Variants in KIRREL3 observed in about 807,000 individuals in gnomAD.
KIRREL3 encodes the protein kirre like nephrin family adhesion molecule 3, also known as kin of IRRE-like protein 3.
Under a neutral mutation model 89.7 loss-of-function variants are expected in KIRREL3, and 36 were observed. The ratio of observed to expected loss-of-function variants is 0.40; its 90% CI spans 0.31 to 0.53. KIRREL3 has a LOEUF of 0.53. Among genes scored for constraint, KIRREL3 ranks in the 20% least tolerant of loss-of-function variants. The pLI, the probability that KIRREL3 is intolerant of heterozygous loss-of-function variation, is 0.49. For missense variants in KIRREL3, 864 were observed against 1,056.6 expected (o/e 0.82, Z 2.53); for synonymous variants, 445 against 441.4 (o/e 1.01, Z -0.10).
chr11:126,539,045 G>C (rs1488358459), intron 2 of KIRREL3, among the ~76,000 whole-genome samples: 2 of 152,216 alleles, frequency 1.3e-5, no homozygotes, highest in Non-Finnish European at 2.9e-5. Context: ...AAAAGCAGCA[G>C]TGCCACATGG....
At chr11:126,425,524 C>T (rs1184604286) in intron 16 of KIRREL3, 114 bp downstream of exon 16, 14 of 975,252 alleles carry the variant, frequency 1.4e-5, no homozygotes, top group South Asian at 1.1e-4. Flanking sequence ...AAGCTGGCCT[C>T]TGACCTTTTC....
chr11:126,612,319 T>C lies in KIRREL3; in HGVS notation c.56-49407A>G. On this transcript the variant is annotated intron_variant, in intron 1 of 16. Coordinates refer to ENST00000525144, the MANE Select transcript of KIRREL3 (RefSeq NM_032531.4). The surrounding 1 kb of genome is among the most constrained non-coding windows in gnomAD (Gnocchi z 4.5). ...GCTCCCTCAGAATTTGAGTATTATA[T>C]GGACACCCCTGGCATAGAATAAATG... 6.6e-6 allele frequency among the ~76,000 whole-genome samples: 1 copy of C among 152,118 alleles called. No individual in the cohort carries two copies. The highest frequency in any genetic ancestry group is 2.4e-5 in the African/African-American group (1 of 41,404).
In KIRREL3 at chr11:126,565,118, G is replaced by C. The variant is rs1940421911; in HGVS notation, c.56-2206C>G. 6.6e-6 allele frequency among the ~76,000 whole-genome samples: 1 copy of C among 152,206 alleles called. No individual in the cohort carries two copies. Among genetic ancestry groups the C allele is most frequent in the Admixed American group, 6.5e-5 (1 of 15,276 alleles). On this transcript the variant is annotated intron_variant, in intron 1 of 16. Transcript: ENST00000525144. This position sits in a 1 kb window ranked among gnomAD's most constrained non-coding sequence, Gnocchi z 5.4. ...TGAGTAGGGAGGGCAGAAGATACTG[G>C]ATGGATTTAGGCCAATGTTCCAGCT...
chr11:126,799,046 C>G (rs1469629903), intron 1 of KIRREL3, among the ~76,000 whole-genome samples: 1 of 149,516 alleles, frequency 6.7e-6, no homozygotes, highest in East Asian at 2.0e-4. Flanking sequence ...GTGTGCATCT[C>G]TGTGTATCTG....
chr11:126,507,081 C>G (rs987160986), intron 4 of KIRREL3, among the ~76,000 whole-genome samples: 28 of 152,164 alleles, frequency 1.8e-4, no homozygotes, highest in African/African-American at 6.8e-4. Flanking sequence ...AGACAAATCT[C>G]AAACACATTT....
At chr11:126,470,718 C>T (rs541833864) in intron 5 of KIRREL3, among the ~76,000 whole-genome samples, 239 of 152,284 alleles carry the variant, frequency 1.6e-3, no homozygotes, top group African/African-American at 5.2e-3. Flanking sequence ...CCCCCAGCTG[C>T]GGAGCTTGGG....
At chr11:126,738,595 A>G (rs536220696) in intron 1 of KIRREL3, among the ~76,000 whole-genome samples, 1 of 152,326 alleles carries the variant, frequency 6.6e-6, no homozygotes, top group African/African-American at 2.4e-5. Flanking sequence ...GGTAATTAAT[A>G]GCACTTAATC....
chr11:126,526,536 A>G lies in KIRREL3; in HGVS notation c.283+2T>C. The G allele has an allele frequency of 6.2e-7, 1 of 1,611,778 alleles. No homozygotes were observed. Among genetic ancestry groups the G allele is most frequent in the Non-Finnish European group, 8.5e-7 (1 of 1,178,546 alleles). ...CACCCCAGGAGGTCTGGAGGTACTC[A>G]CTTGAGAGGTCCCTGCCCACACCCA... On this transcript the variant is annotated splice_donor_variant, in intron 3 of 16. Coordinates refer to ENST00000525144, the MANE Select transcript of KIRREL3 (RefSeq NM_032531.4). LOFTEE classifies it high-confidence loss of function. This position sits in a 1 kb window ranked among gnomAD's most constrained non-coding sequence, Gnocchi z 5.7.
At chr11:126,510,421 TTTCCTTCCTTCCTTCCTTCC>T (rs202158249) in intron 4 of KIRREL3, among the ~76,000 whole-genome samples, 54 of 126,416 alleles carry the variant, frequency 4.3e-4, no homozygotes, top group East Asian at 2.2e-3. Context: ...CCTGACGTTG[TTTCCTTCCTTCCTTCCTTCC>T]TTCCTTCCTT....
intron 1 of KIRREL3, among the ~76,000 whole-genome samples, chr11:126,842,906 C>T (rs191208488): frequency 3.9e-5 from 6 of 152,182 alleles, no homozygotes; most frequent in African/African-American, 7.2e-5. Context: ...GCCTCTCCAT[C>T]GGAGAGAATA....
At chr11:126,433,178 C>T (rs1955198152) in intron 13 of KIRREL3, among the ~76,000 whole-genome samples, 1 of 152,242 alleles carries the variant, frequency 6.6e-6, no homozygotes, top group African/African-American at 2.4e-5. Flanking sequence ...CGTTCCCGAT[C>T]AGCAGTTCAC....
chr11:126,975,546 G>T (rs56114056), intron 1 of KIRREL3, among the ~76,000 whole-genome samples: 70,900 of 151,984 alleles, frequency 0.47, 16,994 homozygotes, highest in Middle Eastern at 0.61. Context: ...AAGATTTGTT[G>T]ATTAGAATTC....
chr11:126,691,268 A>T (rs1946870194), intron 1 of KIRREL3, among the ~76,000 whole-genome samples: 3 of 152,196 alleles, frequency 2.0e-5, no homozygotes. Context: ...ATCATCCATC[A>T]ATCCCACTCT....
chr11:126,669,718 T>C lies in KIRREL3; in HGVS notation c.56-106806A>G, dbSNP rs892525851. ...CTCCATTTACATTTTTCTCTCAAGGTTTTGCATGAAACTCCAAGGCTTTAA... is the reference window on the plus strand; with the variant it reads ...CTCCATTTACATTTTTCTCTCAAGGCTTTGCATGAAACTCCAAGGCTTTAA... On this transcript the variant is annotated intron_variant, in intron 1 of 16. Coordinates refer to ENST00000525144, the MANE Select transcript of KIRREL3 (RefSeq NM_032531.4). The surrounding 1 kb of genome is among the most constrained non-coding windows in gnomAD (Gnocchi z 5.0). Among the ~76,000 whole-genome samples, 7 of 152,162 alleles carry C rather than the reference T, an allele frequency of 4.6e-5. No homozygotes were observed. Among genetic ancestry groups the C allele is most frequent in the Non-Finnish European group, 8.8e-5 (6 of 68,014 alleles).
chr11:126,469,761 C>T (rs1206416544), intron 5 of KIRREL3, among the ~76,000 whole-genome samples: 1 of 152,208 alleles, frequency 6.6e-6, no homozygotes, highest in African/African-American at 2.4e-5. Flanking sequence ...GACACAGGGC[C>T]TCTTCCCATG....
chr11:126,967,130 C>A (rs1440538655), intron 1 of KIRREL3, among the ~76,000 whole-genome samples: 1 of 152,166 alleles, frequency 6.6e-6, no homozygotes, highest in East Asian at 1.9e-4. Flanking sequence ...GTTTGTACAA[C>A]CTGACAATAG....
In KIRREL3 at chr11:126,565,374, T is replaced by C. The variant is rs1405041679; in HGVS notation, c.56-2462A>G. ...TAAGAGTCTCACTGATTATGTTTGA[T>C]TTTTGCAAATGAGCAGGAAAAGAAG... On this transcript the variant is annotated intron_variant, in intron 1 of 16. Transcript: ENST00000525144. This position sits in a 1 kb window ranked among gnomAD's most constrained non-coding sequence, Gnocchi z 5.4. 6.6e-6 allele frequency among the ~76,000 whole-genome samples: 1 copy of C among 152,154 alleles called. No homozygotes were observed. The highest frequency in any genetic ancestry group is 6.5e-5 in the Admixed American group (1 of 15,272).
rs368097792 is a variant in KIRREL3 at position 126,780,676 on chromosome 11, C to T, written c.56-217764G>A. ...GCAACAGATCCATCTCCTTGAGACA[C>T]AAGCCAGGCCACCTGTGCTAGGCTG... is the stretch of plus-strand genomic sequence containing the variant. On this transcript the variant is annotated intron_variant, in intron 1 of 16. Transcript: ENST00000525144. This position sits in a 1 kb window ranked among gnomAD's most constrained non-coding sequence, Gnocchi z 5.3. Among the ~76,000 whole-genome samples the T allele has an allele frequency of 2.0e-4, 31 of 152,336 alleles. No individual in the cohort carries two copies. In the East Asian group the frequency reaches 3.5e-3, roughly 17 times the overall value.
chr11:126,593,612 C>G (rs778547215), intron 1 of KIRREL3, among the ~76,000 whole-genome samples: 10 of 152,228 alleles, frequency 6.6e-5, no homozygotes, highest in Non-Finnish European at 1.2e-4. Context: ...GCCACGTTGC[C>G]CTGTATGCAT....
Sources: allele counts gnomAD v4.1 joint callset (sites outside exome capture counted in the v4.1 genomes callset), GRCh38; gene constraint gnomAD v4.1.1; non-coding constraint Gnocchi (gnomAD v3.1); transcripts MANE v1.5; gene names NCBI Gene and HGNC (gene_info 2026-07-23, HGNC 2026-07-21).